The following PANK4 variants were observed in gnomAD, a reference collection of about 807,000 sequenced individuals.
PANK4 encodes the protein pantothenate kinase 4 (inactive), also known as 4'-phosphopantetheine phosphatase.
PANK4 carries 40 observed loss-of-function variants against 87.9 expected under a neutral mutation model. The ratio of observed to expected loss-of-function variants is 0.46; its 90% CI spans 0.35 to 0.59. The LOEUF is 0.59. Ranked by LOEUF, PANK4 falls within the 20% of genes least tolerant of loss-of-function variation. The pLI, the probability that PANK4 is intolerant of heterozygous loss-of-function variation, is 0.00. For synonymous variants in PANK4, 524 were observed against 467.4 expected (o/e 1.12, Z -1.56); for missense variants, 926 against 1,072.3 (o/e 0.86, Z 1.90).
At chr1:2,513,504 G>A (rs1456965349) in intron 12 of PANK4, among the ~76,000 whole-genome samples, 2 of 152,238 alleles carry the variant, frequency 1.3e-5, no homozygotes, top group African/African-American at 4.8e-5. Context: ...ACTTGGGGAA[G>A]CAAAACGGAC....
chr1:2,522,481 A>G (rs915782590), intron 1 of PANK4, among the ~76,000 whole-genome samples: 7 of 152,222 alleles, frequency 4.6e-5, no homozygotes, highest in Non-Finnish European at 7.3e-5. Context: ...GGTTGAATAA[A>G]TATCAGGAAA....
Position 2,519,858 on chromosome 1 carries a change from C to T in PANK4, c.796G>A (p.Gly266Arg), listed in dbSNP as rs546694673. 1.3e-5 allele frequency: 21 copies of T among 1,572,874 alleles called. No individual in the cohort carries two copies. Among genetic ancestry groups the T allele is most frequent in the African/African-American group, 5.4e-5 (4 of 74,260 alleles). ...CTGGCGATGAGGTTCCCGCTCAGCCCGAGAGTCTGGTGGGCGCCGCCGTAG... is the reference window on the plus strand; with the variant it reads ...CTGGCGATGAGGTTCCCGCTCAGCCTGAGAGTCTGGTGGGCGCCGCCGTAG... ...DVYGGAHQTL[G>R]LSGNLIASSF... The change falls in exon 6 of 19, where the codon GGG becomes AGG. Residue 266 changes from glycine (G) to arginine (R), a missense_variant. By Grantham distance (125) the Gly-to-Arg change is moderately radical. Coordinates refer to ENST00000378466, the MANE Select transcript of PANK4 (RefSeq NM_018216.4). This position sits in a 1 kb window ranked among gnomAD's most constrained non-coding sequence, Gnocchi z 8.3.
chr1:2,513,799 TG>T (rs994394719), intron 12 of PANK4, among the ~76,000 whole-genome samples: 5 of 152,140 alleles, frequency 3.3e-5, no homozygotes, highest in African/African-American at 1.2e-4. Flanking sequence ...CCAGCATCTG[TG>T]GGGGTAACAC....
chr1:2,521,113 T>C lies in PANK4; in HGVS notation c.410A>G (p.Lys137Arg), dbSNP rs765042620. The C allele has an allele frequency of 6.2e-7, 1 of 1,613,044 alleles. No homozygotes were observed. Among genetic ancestry groups the C allele is most frequent in the South Asian group, 1.1e-5 (1 of 91,042 alleles). ...GATCCCCACTCACTTCAGCCGCAGC[T>C]TCTCTTCGATGAGGTCTTTGAACTT... ...AYKFKDLIEEKLRLKVDKEDV... is the reference protein window; with the variant it reads ...AYKFKDLIEERLRLKVDKEDV... Residue 137 changes from lysine (K) to arginine (R), a missense_variant, in exon 3 of 19, where the codon AAG (lysine) becomes AGG (arginine). Transcript: ENST00000378466.
At position 2,519,182 on chromosome 1, in the gene PANK4, G is replaced by A; in HGVS notation, c.996C>T (p.Thr332=). ...TGATGCTATAGGTGATGGTGCGCAT[G>A]GTCACGGGGTGGCCCCGGATAAAGA... ...GGFFIRGHPV[T]MRTITYSINF... The change falls in exon 7 of 19, where the codon ACC becomes ACT. Residue 332 remains threonine, a synonymous_variant. Coordinates refer to ENST00000378466, the MANE Select transcript of PANK4 (RefSeq NM_018216.4). The surrounding 1 kb of genome is among the most constrained non-coding windows in gnomAD (Gnocchi z 8.3). The A allele has an allele frequency of 6.2e-7, 1 of 1,612,780 alleles. No homozygotes were observed. The highest frequency in any genetic ancestry group is 1.3e-5 in the African/African-American group (1 of 75,052).
chr1:2,523,774 G>A lies in PANK4; in HGVS notation c.125-1974C>T, dbSNP rs573531915. On this transcript the variant is annotated intron_variant, in intron 1 of 18. Coordinates refer to ENST00000378466, the MANE Select transcript of PANK4 (RefSeq NM_018216.4). The stretch of plus-strand genomic sequence containing the variant: ...TTAGAGCAGAGGGAACCGCCTGCGG[G>A]CGGGGACCCTTCCGGGCTGAGCTCA... Among the ~76,000 whole-genome samples the A allele has an allele frequency of 3.9e-5, 6 of 152,372 alleles. No homozygotes were observed. In the South Asian group the frequency reaches 1.2e-3, roughly 32 times the overall value.
chr1:2,511,219 G>A (rs1041737918), intron 15 of PANK4, 119 bp downstream of exon 15: 9 of 720,702 alleles, frequency 1.2e-5, no homozygotes, highest in East Asian at 2.4e-5. Flanking sequence ...GCAGGATGGT[G>A]AGACTCTAAC....
chr1:2,514,582 G>A lies in PANK4; in HGVS notation c.1375-116C>T. On this transcript the variant is annotated intron_variant, in intron 10 of 18. Transcript: ENST00000378466. ...GGGTCGGCCGTGGGGGACTGTCTGG[G>A]GCAGGGTGGGGGCGGCTGTAGGAGG... 6.4e-6 allele frequency: 4 copies of A among 626,102 alleles called. No individual in the cohort carries two copies. The South Asian group carries it at 7.6e-5, about 12-fold the overall frequency. 38.8% of individuals were successfully genotyped at this position (626,102 alleles called of 1,614,324 possible).
At chr1:2,522,326 TGA>T (rs1416639261) in intron 1 of PANK4, among the ~76,000 whole-genome samples, 1 of 152,136 alleles carries the variant, frequency 6.6e-6, no homozygotes, top group Non-Finnish European at 1.5e-5. Context: ...TGGCTACTCT[TGA>T]GAGGCTCCAG....
Position 2,519,881 on chromosome 1 carries a change from TAG to T in PANK4, c.771_772del (p.Tyr258ArgfsTer81). 6.4e-7 allele frequency: 1 copy of T among 1,567,546 alleles called. No homozygotes were observed. The highest frequency in any genetic ancestry group is 8.6e-7 in the Non-Finnish European group (1 of 1,156,500). Reference sequence around the variant, plus strand: ...CCCGAGAGTCTGGTGGGCGCCGCCGTAGACGTCCCGCACCAGCATGTCCACAT... The same window carrying T: ...CCCGAGAGTCTGGTGGGCGCCGCCGTACGTCCCGCACCAGCATGTCCACAT... On this transcript the variant is annotated frameshift_variant, in exon 6 of 19. Transcript: ENST00000378466. LOFTEE classifies it high-confidence loss of function. The surrounding 1 kb of genome is among the most constrained non-coding windows in gnomAD (Gnocchi z 8.3).
In PANK4 at chr1:2,520,729, G is replaced by C. The variant is rs773368451; in HGVS notation, c.600C>G (p.Ile200Met). The C allele has an allele frequency of 6.2e-7, 1 of 1,612,440 alleles. No homozygotes were observed. The highest frequency in any genetic ancestry group is 1.3e-5 in the African/African-American group (1 of 74,912). ...TCATGAAGCCGGGTCTTACCTTCAC[G>C]ATGGAGACTCCAGAGCCGATATTGA... The part of the protein sequence containing the change: ...LLVNIGSGVS[I>M]VKVETEDRFE... The change falls in exon 4 of 19, where the codon ATC becomes ATG. Residue 200 changes from isoleucine to methionine, a missense_variant. By Grantham distance (10) the Ile-to-Met change is conservative (BLOSUM62 1). Coordinates refer to ENST00000378466, the MANE Select transcript of PANK4 (RefSeq NM_018216.4). The surrounding 1 kb of genome is among the most constrained non-coding windows in gnomAD (Gnocchi z 6.2).
chr1:2,518,139 G>A (rs367915873), intron 9 of PANK4, 25 bp downstream of exon 9: 56 of 1,487,386 alleles, frequency 3.8e-5, no homozygotes, highest in East Asian at 1.6e-4. Context: ...CCTGGGGCCC[G>A]GGGCGGCCAG....
intron 9 of PANK4, among the ~76,000 whole-genome samples, chr1:2,516,287 TC>T: frequency 6.6e-6 from 1 of 152,000 alleles, no homozygotes; most frequent in South Asian, 2.1e-4. Context: ...CTGCCGGGCC[TC>T]CCAGCACGTT....
chr1:2,522,767 CTTAACGGAGGGGACCGTAT>C (rs1220727516), intron 1 of PANK4, among the ~76,000 whole-genome samples: 6 of 151,372 alleles, frequency 4.0e-5, no homozygotes, highest in Non-Finnish European at 5.9e-5. Flanking sequence ...GTTATAGTAA[CTTAACGGAGGGGACCGTAT>C]GGTGCTATAG....
chr1:2,511,131 T>A (rs548626586), intron 15 of PANK4, among the ~76,000 whole-genome samples: 1 of 152,260 alleles, frequency 6.6e-6, no homozygotes, highest in East Asian at 1.9e-4. Context: ...CAAGGCTTTG[T>A]GCCTAGAGCA....
chr1:2,514,981 C>A (rs1357387129), intron 10 of PANK4, among the ~76,000 whole-genome samples: 1 of 152,128 alleles, frequency 6.6e-6, no homozygotes, highest in East Asian at 1.9e-4. Context: ...CTGGGCAGGG[C>A]TGGGACTCCT....
rs772037448 is a variant in PANK4, at chr1:2,511,638, C to T, written c.1773G>A (p.Arg591=). ...CTTGGCCATCCGTACCTTGTAACTT[C>T]CTCTTTGCTTCTTCAAACCCAAAGT... The part of the protein sequence containing the change: ...DPYFGFEEAK[R]KLQERPWLVD... The change falls in exon 14 of 19, where the codon AGG becomes AGA. Residue 591 remains arginine (R), a synonymous_variant. Transcript: ENST00000378466. The T allele has an allele frequency of 3.7e-6, 6 of 1,608,868 alleles. No homozygotes were observed. Among genetic ancestry groups the T allele is most frequent in the East Asian group, 2.2e-5 (1 of 44,888 alleles).
At chr1:2,514,885 G>A (rs999264206) in intron 10 of PANK4, among the ~76,000 whole-genome samples, 4 of 152,042 alleles carry the variant, frequency 2.6e-5, no homozygotes, top group African/African-American at 9.7e-5. Flanking sequence ...CAGGAAACCC[G>A]AGGCCAAGAC....
chr1:2,522,080 G>A (rs888554362), intron 1 of PANK4: 2 of 510,754 alleles, frequency 3.9e-6, no homozygotes, highest in Non-Finnish European at 7.1e-6. Context: ...TCCTGCAGAG[G>A]AAAGGGAGAG....
Sources: gnomAD v4.1 joint callset for allele counts (sites outside exome capture counted in the v4.1 genomes callset) on GRCh38, gnomAD v4.1.1 for gene constraint, Gnocchi (gnomAD v3.1) non-coding constraint, MANE v1.5 for transcripts, NCBI Gene and HGNC (gene_info 2026-07-23, HGNC 2026-07-21) for gene names.